CNOT2: variants seen among roughly 807,000 people sequenced by gnomAD.
CNOT2 encodes the protein CC chemokine receptor 4-negative regulator of transcription 2.
A neutral mutation model predicts 72.1 loss-of-function variants in CNOT2; 7 were observed. That is an observed-to-expected ratio of 0.10 (90% CI 0.06 to 0.18). The LOEUF is 0.18. Ranked by LOEUF, CNOT2 falls within the 10% of genes least tolerant of loss-of-function variation. The probability of loss-of-function intolerance (pLI) is 1.00; values close to 1 mark genes in which losing one functional copy is unlikely to be tolerated. For synonymous variants in CNOT2, 196 were observed against 225.6 expected (o/e 0.87, Z 1.17); for missense variants, 345 against 660.3 (o/e 0.52, Z 5.23).
chr12:70,331,584 T>C (rs550178888), intron 6 of CNOT2: 7 of 152,018 alleles, frequency 4.6e-5, no homozygotes, highest in African/African-American at 1.4e-4. Flanking sequence ...ATTTCTACTA[T>C]TGACAGATTG....
intron 1 of CNOT2, among the ~76,000 whole-genome samples, chr12:70,271,787 A>G (rs959945790): frequency 8.5e-5 from 13 of 152,218 alleles, no homozygotes; most frequent in African/African-American, 2.9e-4. Context: ...TGAGACAGCT[A>G]TTAAAAAATT....
intron 2 of CNOT2, among the ~76,000 whole-genome samples, chr12:70,283,192 G>A (rs1593117729): frequency 1.3e-5 from 2 of 152,050 alleles, no homozygotes; most frequent in African/African-American, 4.8e-5. Context: ...TACAGCTGAT[G>A]GTGACTTCAA....
At chr12:70,278,727 T>G (rs1282957767) in intron 2 of CNOT2, among the ~76,000 whole-genome samples, 1 of 152,148 alleles carries the variant, frequency 6.6e-6, no homozygotes, top group African/African-American at 2.4e-5. Context: ...CCCAGGGTGC[T>G]TAGAGACCCA....
At chr12:70,258,508 T>C (rs1427290138) in intron 1 of CNOT2, among the ~76,000 whole-genome samples, 4 of 152,246 alleles carry the variant, frequency 2.6e-5, no homozygotes, top group Admixed American at 6.5e-5. Flanking sequence ...CAAAGACAAG[T>C]AATATTTAGG....
chr12:70,291,797 C>T (rs186300958), intron 2 of CNOT2, among the ~76,000 whole-genome samples: 206 of 152,164 alleles, frequency 1.4e-3, no homozygotes, highest in Non-Finnish European at 2.6e-3. Context: ...ATTAGCCAGG[C>T]GTGGTGGCGG....
chr12:70,286,137 G>A (rs1870855462), intron 2 of CNOT2, among the ~76,000 whole-genome samples: 1 of 127,048 alleles, frequency 7.9e-6, no homozygotes, highest in Non-Finnish European at 1.7e-5. Flanking sequence ...GAAAATAACA[G>A]AAGAGAGAAC....
At chr12:70,247,624 G>A (rs778484710) in intron 1 of CNOT2, among the ~76,000 whole-genome samples, 9 of 152,106 alleles carry the variant, frequency 5.9e-5, no homozygotes, top group Non-Finnish European at 7.4e-5. Flanking sequence ...ATCCTTTGCT[G>A]TATTGCTTTT....
intron 2 of CNOT2, among the ~76,000 whole-genome samples, chr12:70,288,848 C>G (rs556447548): frequency 2.0e-5 from 3 of 152,240 alleles, no homozygotes; most frequent in African/African-American, 7.2e-5. Flanking sequence ...TCTGCTTAGA[C>G]TTCTGTTACA....
At chr12:70,341,963 G>A in intron 11 of CNOT2, 144 bp from the exon 12 acceptor site, 2 of 660,782 alleles carry the variant, frequency 3.0e-6, no homozygotes, top group Non-Finnish European at 5.5e-6. Context: ...GTCTTCATTT[G>A]CTTCTGTATA....
chr12:70,258,036 CTT>C (rs942661226), intron 1 of CNOT2, among the ~76,000 whole-genome samples: 1 of 152,026 alleles, frequency 6.6e-6, no homozygotes, highest in African/African-American at 2.4e-5. Context: ...ATTTTAAAAA[CTT>C]GTATTTTTTG....
chr12:70,354,016 C>G lies in CNOT2; in HGVS notation c.*101C>G, dbSNP rs1341909122. ...GCAGAACTGATGTGGCTCAGGCACC[C>G]TGGTTTTAATTCCTTGAGGATCTGG... On this transcript the variant is annotated 3_prime_UTR_variant, in exon 16 of 16. Coordinates refer to ENST00000229195, the MANE Select transcript of CNOT2 (RefSeq NM_014515.7). The G allele has an allele frequency of 1.2e-4, 177 of 1,470,096 alleles. No homozygotes were observed. Among genetic ancestry groups the G allele is most frequent in the Non-Finnish European group, 1.5e-4 (167 of 1,112,228 alleles). The allele number at this position is 1,470,096 out of a possible 1,614,324, so 91.1% of individuals were successfully genotyped here.
intron 1 of CNOT2, among the ~76,000 whole-genome samples, chr12:70,274,749 A>G (rs1305249688): frequency 6.6e-6 from 1 of 152,084 alleles, no homozygotes; most frequent in Non-Finnish European, 1.5e-5. Context: ...TGCCTTTTCC[A>G]TAATGTCATA....
chr12:70,270,558 T>C (rs930622269), intron 1 of CNOT2, among the ~76,000 whole-genome samples: 2 of 152,144 alleles, frequency 1.3e-5, no homozygotes, highest in African/African-American at 4.8e-5. Context: ...GCTTTTTAGT[T>C]GCCTTCTTCC....
At chr12:70,300,400 G>A (rs1310464949) in intron 2 of CNOT2, among the ~76,000 whole-genome samples, 2 of 152,180 alleles carry the variant, frequency 1.3e-5, no homozygotes, top group Non-Finnish European at 2.9e-5. Flanking sequence ...TTTTGTATAA[G>A]GTGTAAGGAA....
chr12:70,297,304 G>A (rs751055030), intron 2 of CNOT2, among the ~76,000 whole-genome samples: 36 of 152,304 alleles, frequency 2.4e-4, no homozygotes, highest in South Asian at 4.1e-4. Context: ...ATATCTTGCA[G>A]TTAGCAGTCT....
intron 2 of CNOT2, among the ~76,000 whole-genome samples, chr12:70,280,317 A>G (rs985538804): frequency 2.6e-5 from 4 of 152,202 alleles, no homozygotes; most frequent in African/African-American, 9.6e-5. Context: ...GAAAAGGGAC[A>G]TAGAGGGATA....
In CNOT2 at chr12:70,354,268, A is replaced by T. The variant is rs1388671224; in HGVS notation, c.*353A>T. ...ATGTAAAAAAGAAAACCCCCAAAAG[A>T]CTCAAGAAAATTAGACCACAAATTT... On this transcript the variant is annotated 3_prime_UTR_variant, in exon 16 of 16. Transcript: ENST00000229195. 4.5e-6 allele frequency: 1 copy of T among 221,684 alleles called. No homozygotes were observed. The highest frequency in any genetic ancestry group is 8.7e-6 in the Non-Finnish European group (1 of 115,340). 13.7% of individuals were successfully genotyped at this position (221,684 alleles called of 1,614,324 possible).
intron 2 of CNOT2, among the ~76,000 whole-genome samples, chr12:70,299,886 T>C (rs911080621): frequency 6.6e-6 from 1 of 152,220 alleles, no homozygotes; most frequent in Non-Finnish European, 1.5e-5. Context: ...CTAGCACCTG[T>C]TGTTTCCTGA....
At chr12:70,283,152 TG>T (rs759864639) in intron 2 of CNOT2, among the ~76,000 whole-genome samples, 4 of 152,200 alleles carry the variant, frequency 2.6e-5, no homozygotes, top group Non-Finnish European at 4.4e-5. Flanking sequence ...TTATTGAACA[TG>T]TTTCTCTCTC....
Sources: allele counts gnomAD v4.1 joint callset (sites outside exome capture counted in the v4.1 genomes callset), GRCh38; gene constraint gnomAD v4.1.1; transcripts MANE v1.5; gene names NCBI Gene and HGNC (gene_info 2026-07-23, HGNC 2026-07-21).